The following AFF1 variants were observed in gnomAD, a reference collection of about 807,000 sequenced individuals.
AFF1 encodes ALF transcription elongation factor 1.
In AFF1, 48 loss-of-function variants were observed where a neutral mutation model predicts 121.7. The ratio of observed to expected loss-of-function variants is 0.39; its 90% CI spans 0.31 to 0.50. AFF1 has a LOEUF of 0.50. AFF1 is among the 20% of genes least tolerant of loss of function. The pLI is 0.76. For missense variants in AFF1, 1,523 were observed against 1,511.7 expected (o/e 1.01, Z -0.12); for synonymous variants, 613 against 563.0 (o/e 1.09, Z -1.26).
intron 2 of AFF1, among the ~76,000 whole-genome samples, chr4:86,974,739 C>G (rs1468259414): frequency 6.6e-6 from 1 of 152,156 alleles, no homozygotes; most frequent in Non-Finnish European, 1.5e-5. Flanking sequence ...ACATTTCATA[C>G]ATAAAGAGCT....
At chr4:86,997,715 T>C (rs1725324752) in intron 2 of AFF1, among the ~76,000 whole-genome samples, 1 of 151,410 alleles carries the variant, frequency 6.6e-6, no homozygotes, top group South Asian at 2.1e-4. Context: ...TGAGCCAAGA[T>C]TGTGCCACTG....
chr4:86,999,927 AGAT>A (rs2149518697), intron 2 of AFF1, among the ~76,000 whole-genome samples: 1 of 152,266 alleles, frequency 6.6e-6, no homozygotes, highest in East Asian at 1.9e-4. Flanking sequence ...TAGAGAAAAT[AGAT>A]GATGAGCCTG....
chr4:86,951,615 C>CTTTTTTCTTTTTTTTTTTTTTTT (rs1721324586), intron 2 of AFF1, among the ~76,000 whole-genome samples: 1 of 124,942 alleles, frequency 8.0e-6, no homozygotes, highest in African/African-American at 3.3e-5. Flanking sequence ...TTTCTTTTTT[C>CTTTTTTCTTTTTTTTTTTTTTTT]TTTTTTTCTT....
intron 2 of AFF1, among the ~76,000 whole-genome samples, chr4:86,994,687 G>C (rs1020998013): frequency 6.6e-6 from 1 of 152,196 alleles, no homozygotes; most frequent in African/African-American, 2.4e-5. Flanking sequence ...TAGAGTGAAG[G>C]ATAAGCTATC....
intron 11 of AFF1, among the ~76,000 whole-genome samples, chr4:87,111,942 G>A (rs879294225): frequency 5.9e-5 from 9 of 152,002 alleles, no homozygotes; most frequent in Admixed American, 5.9e-4. Context: ...TTTGAGGGTT[G>A]GGGGGGAAAC....
rs1723445967 is a variant in AFF1 at position 87,084,141 on chromosome 4, C to T, written c.1081C>T (p.His361Tyr). ...SVEQTYSNEV[H>Y]CVEEILKEMT... is the part of the protein sequence containing the mutation. ...TCAGCAGACCTACTCCAATGAAGTCCATTGTGTTGAAGAGATTCTGAAGGT... is the reference window on the plus strand; with the variant it reads ...TCAGCAGACCTACTCCAATGAAGTCTATTGTGTTGAAGAGATTCTGAAGGT... The change falls in exon 5 of 21, where the codon CAT (histidine) becomes TAT (tyrosine). Residue 361 changes from histidine (H) to tyrosine (Y), a missense_variant. Around this residue, in one of 5 missense-constraint regions of AFF1, gnomAD observed 905 missense variants for 842.5 expected, o/e 1.07. Coordinates refer to ENST00000395146, the MANE Select transcript of AFF1 (RefSeq NM_001166693.3). 2 of 1,613,816 alleles carry T rather than the reference C, an allele frequency of 1.2e-6. No individual in the cohort carries two copies. The highest frequency in any genetic ancestry group is 1.7e-6 in the Non-Finnish European group (2 of 1,179,808).
chr4:86,942,369 C>CCAGATAAGCAGTGAGTCA (rs1393393759), intron 1 of AFF1, among the ~76,000 whole-genome samples: 1 of 152,152 alleles, frequency 6.6e-6, no homozygotes, highest in Non-Finnish European at 1.5e-5. Flanking sequence ...ACTCATCTGT[C>CCAGATAAGCAGTGAGTCA]CAGATAAGCA....
intron 2 of AFF1, among the ~76,000 whole-genome samples, chr4:87,002,265 A>T (rs369235244): frequency 6.6e-5 from 10 of 151,322 alleles, no homozygotes; most frequent in East Asian, 3.9e-4. Context: ...GCTAATTACA[A>T]AAATTTTTTT....
At chr4:87,056,663 TCAA>T (rs1381438991) in intron 4 of AFF1, among the ~76,000 whole-genome samples, 2 of 152,164 alleles carry the variant, frequency 1.3e-5, no homozygotes, top group Admixed American at 1.3e-4. Context: ...TTACATTCTG[TCAA>T]CAAATATTTG....
At chr4:87,008,860 CTATA>C (rs1286749648) in intron 2 of AFF1, among the ~76,000 whole-genome samples, 1 of 152,102 alleles carries the variant, frequency 6.6e-6, no homozygotes. Flanking sequence ...AGGTGCTTGT[CTATA>C]TAATCTGGTA....
At chr4:86,949,670 A>G (rs556401337) in intron 2 of AFF1, 1 of 1,558,644 alleles carries the variant, frequency 6.4e-7, no homozygotes, top group Non-Finnish European at 8.7e-7. Flanking sequence ...GAGCGCTCAG[A>G]GCAGGAAGGG....
Position 87,135,861 on chromosome 4 carries a change from G to A in AFF1, c.*160G>A, listed in dbSNP as rs988130002. ...CCACTTAAACTCTCAACAACAGTGTGATCATTGGTTGGACACTGTGGTTAT... is the reference window on the plus strand; with the variant it reads ...CCACTTAAACTCTCAACAACAGTGTAATCATTGGTTGGACACTGTGGTTAT... On this transcript the variant is annotated 3_prime_UTR_variant, in exon 21 of 21. Transcript: ENST00000395146. The A allele has an allele frequency of 2.0e-5, 23 of 1,160,894 alleles. No homozygotes were observed. Among genetic ancestry groups the A allele is most frequent in the Non-Finnish European group, 2.5e-5 (22 of 867,360 alleles). The allele number at this position is 1,160,894 out of a possible 1,614,324, so 71.9% of individuals were successfully genotyped here.
At chr4:86,961,564 G>C (rs1722144978) in intron 2 of AFF1, among the ~76,000 whole-genome samples, 1 of 151,690 alleles carries the variant, frequency 6.6e-6, no homozygotes, top group African/African-American at 2.4e-5. Flanking sequence ...TCTTTGCACT[G>C]GGGCATAGTG....
intron 2 of AFF1, among the ~76,000 whole-genome samples, chr4:86,954,956 A>T (rs888856079): frequency 6.6e-6 from 1 of 152,128 alleles, no homozygotes; most frequent in African/African-American, 2.4e-5. Context: ...TTATATTAGT[A>T]TATTACTTAT....
intron 2 of AFF1, among the ~76,000 whole-genome samples, chr4:87,042,651 TA>T (rs1468974636): frequency 6.6e-6 from 1 of 152,258 alleles, no homozygotes; most frequent in African/African-American, 2.4e-5. Flanking sequence ...GGTGTAGAAT[TA>T]CATGTCTGCC....
chr4:87,094,676 C>A (rs927586216), intron 7 of AFF1, among the ~76,000 whole-genome samples: 1 of 152,164 alleles, frequency 6.6e-6, no homozygotes, highest in African/African-American at 2.4e-5. Context: ...AAGTTCCTGG[C>A]GTCATAGGTA....
chr4:86,949,310 T>C (rs1194317721), intron 2 of AFF1, among the ~76,000 whole-genome samples: 2 of 150,108 alleles, frequency 1.3e-5, no homozygotes, highest in Non-Finnish European at 3.0e-5. Context: ...TATCTGGGAT[T>C]CACCATGTTG....
At chr4:87,107,193 T>TG (rs1725997780) in intron 10 of AFF1, among the ~76,000 whole-genome samples, 1 of 152,238 alleles carries the variant, frequency 6.6e-6, no homozygotes, top group African/African-American at 2.4e-5. Flanking sequence ...ATTTTGTTAT[T>TG]GTTTAATAAT....
chr4:86,977,283 T>C (rs1253503241), intron 2 of AFF1, among the ~76,000 whole-genome samples: 3 of 151,984 alleles, frequency 2.0e-5, no homozygotes, highest in Non-Finnish European at 2.9e-5. Context: ...GTAGATATAC[T>C]GGACAAAGGG....
Sources: allele counts gnomAD v4.1 joint callset (sites outside exome capture counted in the v4.1 genomes callset), GRCh38; gene constraint gnomAD v4.1.1; regional missense constraint gnomAD v4.1.1; transcripts MANE v1.5; gene names NCBI Gene and HGNC (gene_info 2026-07-23, HGNC 2026-07-21).